ANO5: variants seen among roughly 807,000 people sequenced by gnomAD.
The protein encoded by ANO5 is anoctamin-5.
In ANO5, 109 loss-of-function variants were observed where a neutral mutation model predicts 121.0. The observed-to-expected ratio is 0.90, with a 90% CI of 0.77 to 1.06. ANO5 has a LOEUF of 1.06. Among genes scored for constraint, ANO5 ranks in the 50% least tolerant of loss-of-function variants. The pLI is 0.00. For missense variants in ANO5, 1,064 were observed against 1,078.5 expected (o/e 0.99, Z 0.19); for synonymous variants, 406 against 359.9 (o/e 1.13, Z -1.45).
At chr11:22,279,197 A>G (rs528704239) in intron 21 of ANO5, among the ~76,000 whole-genome samples, 1 of 151,970 alleles carries the variant, frequency 6.6e-6, no homozygotes, top group East Asian at 1.9e-4. Context: ...GGTTTCCACT[A>G]TCAGTCACCA....
At position 22,193,207 on chromosome 11, in the gene ANO5, G is replaced by A. The variant is rs1358554499; in HGVS notation, c.-286G>A. On this transcript the variant is annotated 5_prime_UTR_variant, in exon 1 of 22. Transcript: ENST00000324559. ...CCCAGGAGCGCTACCGGCTGAGGGTGGGGAAGCGCAGGGCCAAGCGCGCGA... is the reference window on the plus strand; with the variant it reads ...CCCAGGAGCGCTACCGGCTGAGGGTAGGGAAGCGCAGGGCCAAGCGCGCGA... 1.2e-5 allele frequency: 16 copies of A among 1,300,346 alleles called. 1 individual carries two copies. In the Middle Eastern group the frequency reaches 1.2e-3, roughly 101 times the overall value. The allele number at this position is 1,300,346 out of a possible 1,614,324, so 80.6% of individuals were successfully genotyped here. A position where few individuals can be genotyped will look rare whatever the true frequency, so the allele number is the denominator to read the frequency against.
chr11:22,208,791 A>C (rs930537653), intron 2 of ANO5, among the ~76,000 whole-genome samples: 3 of 151,954 alleles, frequency 2.0e-5, no homozygotes, highest in African/African-American at 7.2e-5. Context: ...ATTCCTGTGA[A>C]GCTATAGTTA....
intron 7 of ANO5, among the ~76,000 whole-genome samples, chr11:22,235,688 G>T (rs1437716549): frequency 2.0e-5 from 3 of 152,128 alleles, no homozygotes; most frequent in Non-Finnish European, 4.4e-5. Context: ...TTGCAAAGTG[G>T]CTGTAGAGAT....
At chr11:22,234,987 A>G (rs914245105) in intron 7 of ANO5, among the ~76,000 whole-genome samples, 7 of 152,084 alleles carry the variant, frequency 4.6e-5, no homozygotes, top group Admixed American at 3.3e-4. Context: ...AACACAAAGA[A>G]AGATAATCCC....
intron 4 of ANO5, 62 bp downstream of exon 4, chr11:22,218,349 A>AT: frequency 6.3e-7 from 1 of 1,587,744 alleles, no homozygotes; most frequent in East Asian, 2.2e-5. Context: ...AGCCTTAGTT[A>AT]TTTTTCTTCT....
In ANO5 at chr11:22,236,165, G is replaced by T; in HGVS notation, c.651G>T (p.Val217=). 1 of 1,601,612 alleles carries T rather than the reference G, an allele frequency of 6.2e-7. No individual in the cohort carries two copies. The highest frequency in any genetic ancestry group is 8.6e-7 in the Non-Finnish European group (1 of 1,168,984). Residue 217 remains valine (V), a splice_region_variant and synonymous_variant, in exon 8 of 22, where the codon GTG becomes GTT. Transcript: ENST00000324559. ...FFPSSSRNRI[V]YYILSRCPFG... is the part of the protein sequence containing the mutation. ...GTCTCTTTGCACTTACCTTGTAGGT[G>T]TACTATATTCTCTCAAGATGTCCTT...
chr11:22,257,679 G>C lies in ANO5; in HGVS notation c.1333-1G>C. The C allele has an allele frequency of 1.9e-6, 3 of 1,607,668 alleles. No individual in the cohort carries two copies. The highest frequency in any genetic ancestry group is 2.6e-6 in the Non-Finnish European group (3 of 1,174,408). ...TCTTTGTGATTTCTTCAATATTACA[G>C]GAGATGGAACCTTACATGCCTCTAT... On this transcript the variant is annotated splice_acceptor_variant, in intron 13 of 21. Coordinates refer to ENST00000324559, the MANE Select transcript of ANO5 (RefSeq NM_213599.3). LOFTEE classifies it high-confidence loss of function.
chr11:22,224,967 T>C (rs1156757465), intron 5 of ANO5, among the ~76,000 whole-genome samples: 1 of 151,416 alleles, frequency 6.6e-6, no homozygotes, highest in Non-Finnish European at 1.5e-5. Flanking sequence ...CTCATGAAGA[T>C]AGAGTAGATT....
chr11:22,266,500 A>G (rs1196579066), intron 17 of ANO5, among the ~76,000 whole-genome samples: 2 of 152,082 alleles, frequency 1.3e-5, no homozygotes, highest in Non-Finnish European at 2.9e-5. Flanking sequence ...ATTTTAGTCT[A>G]ATTTTGCATT....
At chr11:22,209,062 GT>G (rs1430254925) in intron 2 of ANO5, among the ~76,000 whole-genome samples, 2 of 151,878 alleles carry the variant, frequency 1.3e-5, no homozygotes, top group African/African-American at 2.4e-5. Flanking sequence ...TATGATGAAT[GT>G]TTTTAGGCTT....
chr11:22,251,726 T>C (rs12292939), intron 12 of ANO5, among the ~76,000 whole-genome samples: 8,348 of 152,012 alleles, frequency 0.055, 775 homozygotes, highest in African/African-American at 0.19. Flanking sequence ...ATATATGCCA[T>C]TCAAAACTGG....
In ANO5 at chr11:22,272,997, G is replaced by A. The variant is rs1454921320; in HGVS notation, c.2235+8G>A. The A allele has an allele frequency of 1.5e-5, 24 of 1,612,890 alleles. No individual in the cohort carries two copies. The highest frequency in any genetic ancestry group is 2.0e-5 in the Non-Finnish European group (24 of 1,178,986). ...CTTTCTGTTGCAACTAATGTAAGTG[G>A]ACCTATTTCGGTGGGGTGACTTTGT... On this transcript the variant is annotated splice_region_variant and intron_variant, in intron 19 of 21. Transcript: ENST00000324559.
chr11:22,192,897 A>G (rs1361213772), upstream of ANO5: 1 of 843,166 alleles, frequency 1.2e-6, no homozygotes, highest in Non-Finnish European at 1.4e-6. Context: ...GAGGCGGCAG[A>G]GCAGGGACCT....
chr11:22,256,284 A>C (rs1171185958), intron 13 of ANO5, among the ~76,000 whole-genome samples: 4 of 152,170 alleles, frequency 2.6e-5, no homozygotes, highest in Admixed American at 2.0e-4. Context: ...TGCTATTTAA[A>C]AGAGAATAAT....
intron 1 of ANO5, among the ~76,000 whole-genome samples, chr11:22,203,087 A>G (rs1040683278): frequency 1.8e-4 from 27 of 152,180 alleles, no homozygotes; most frequent in African/African-American, 5.1e-4. Flanking sequence ...CAGTTTTTCT[A>G]TCGTATTTCT....
chr11:22,198,248 G>C (rs1007379991), intron 1 of ANO5, among the ~76,000 whole-genome samples: 3 of 152,302 alleles, frequency 2.0e-5, no homozygotes, highest in Middle Eastern at 3.4e-3. Flanking sequence ...TGTCCAGAGA[G>C]GGCTGCATTC....
chr11:22,249,568 A>T (rs1480894207), intron 9 of ANO5, among the ~76,000 whole-genome samples: 1 of 152,094 alleles, frequency 6.6e-6, no homozygotes, highest in Non-Finnish European at 1.5e-5. Flanking sequence ...TAAGTTAAAA[A>T]CAAAACACTT....
At position 22,259,530 on chromosome 11, in the gene ANO5, C is replaced by T. The variant is rs201501021; in HGVS notation, c.1419C>T (p.Val473=). Residue 473 remains valine (V), a synonymous_variant, in exon 15 of 22, where the codon GTC becomes GTT. Coordinates refer to ENST00000324559, the MANE Select transcript of ANO5 (RefSeq NM_213599.3). ...GATVTLWMSL[V]VTSMVAVIVY... is the part of the protein sequence containing the mutation. ...TTTTCCTTTCCCAGATGTCTCTTGTCGTCACCAGTATGGTAGCTGTAATTG... is the reference window on the plus strand; with the variant it reads ...TTTTCCTTTCCCAGATGTCTCTTGTTGTCACCAGTATGGTAGCTGTAATTG... The T allele has an allele frequency of 9.9e-6, 16 of 1,614,062 alleles. No homozygotes were observed. The highest frequency in any genetic ancestry group is 2.2e-5 in the South Asian group (2 of 91,078).
chr11:22,239,474 C>T (rs948864502), intron 8 of ANO5, 95 bp from the exon 9 acceptor site: 1 of 858,862 alleles, frequency 1.2e-6, no homozygotes, highest in African/African-American at 1.7e-5. Flanking sequence ...AAAACATACC[C>T]TTGTTTACTA....
Sources: allele counts gnomAD v4.1 joint callset (sites outside exome capture counted in the v4.1 genomes callset), GRCh38; gene constraint gnomAD v4.1.1; transcripts MANE v1.5; gene names NCBI Gene and HGNC (gene_info 2026-07-23, HGNC 2026-07-21).